Variants in CEACAM18 observed in about 807,000 individuals in gnomAD.
CEACAM18 encodes the protein CEA cell adhesion molecule 18.
In CEACAM18, 33 loss-of-function variants were observed where a neutral mutation model predicts 34.3. The observed-to-expected ratio is 0.96, with a 90% CI of 0.73 to 1.29. CEACAM18 has a LOEUF of 1.29. CEACAM18 is among the 50% of genes most tolerant of loss of function. The pLI is 0.00. For synonymous variants in CEACAM18, 169 were observed against 180.9 expected (o/e 0.93, Z 0.53); for missense variants, 474 against 485.0 (o/e 0.98, Z 0.21).
At chr19:51,488,810 T>C (rs62116163) in intron 5 of CEACAM18, among the ~76,000 whole-genome samples, 11,473 of 152,214 alleles carry the variant, frequency 0.075, 514 homozygotes, top group African/African-American at 0.12. Flanking sequence ...CAGGGCCATT[T>C]CTGTTTTACG....
intron 5 of CEACAM18, among the ~76,000 whole-genome samples, chr19:51,485,401 G>A (rs74903545): frequency 0.021 from 3,146 of 152,306 alleles, 104 homozygotes; most frequent in African/African-American, 0.072. Context: ...GGTTTACCTA[G>A]AGGGACAGGT....
intron 5 of CEACAM18, among the ~76,000 whole-genome samples, chr19:51,487,577 C>T (rs1271199411): frequency 6.6e-6 from 1 of 152,122 alleles, no homozygotes; most frequent in Non-Finnish European, 1.5e-5. Context: ...CCAGCCTGGC[C>T]AACATAGTGA....
intron 5 of CEACAM18, among the ~76,000 whole-genome samples, chr19:51,489,724 A>G (rs886084040): frequency 3.3e-5 from 5 of 152,200 alleles, no homozygotes; most frequent in African/African-American, 9.7e-5. Context: ...CACTGGTCCA[A>G]ACCTCACAGG....
downstream of CEACAM18, chr19:51,491,211 A>ATTT (rs55774114): frequency 0.11 from 16,160 of 149,074 alleles, 1,082 homozygotes; most frequent in Middle Eastern, 0.21. Context: ...CAAATATTTA[A>ATTT]TTTTTTTTTT....
At chr19:51,480,879 G>A (rs1989902966) in intron 2 of CEACAM18, among the ~76,000 whole-genome samples, 199 bp downstream of exon 2, 1 of 152,178 alleles carries the variant, frequency 6.6e-6, no homozygotes, top group African/African-American at 2.4e-5. Flanking sequence ...AAGCAGTCCT[G>A]TATTTGACAG....
intron 2 of CEACAM18, 70 bp downstream of exon 2, chr19:51,480,750 A>G (rs1989901110): frequency 7.2e-7 from 1 of 1,387,634 alleles, no homozygotes; most frequent in Non-Finnish European, 1.0e-6. Flanking sequence ...AGAGAAGGAC[A>G]TTATACAGAG....
intron 4 of CEACAM18, among the ~76,000 whole-genome samples, chr19:51,484,426 C>T (rs1327410573): frequency 5.3e-5 from 8 of 152,070 alleles, no homozygotes; most frequent in Admixed American, 4.6e-4. Flanking sequence ...GATTCTCCTG[C>T]CTCAGCCTCT....
chr19:51,486,847 AGCC>A (rs1202648669), intron 5 of CEACAM18, among the ~76,000 whole-genome samples: 12 of 149,548 alleles, frequency 8.0e-5, no homozygotes, highest in African/African-American at 3.0e-4. Flanking sequence ...CCTCCCAAGT[AGCC>A]AGGACTACAG....
At chr19:51,482,961 G>A in intron 3 of CEACAM18, 56 bp from the exon 4 acceptor site, 2 of 1,584,178 alleles carry the variant, frequency 1.3e-6, no homozygotes, top group Non-Finnish European at 8.6e-7. Flanking sequence ...GACTTCATGA[G>A]ACGGGACGCC....
exon 1 of CEACAM18, chr19:51,478,693 G>A (rs773883206): frequency 1.4e-6 from 2 of 1,452,120 alleles, no homozygotes; most frequent in Non-Finnish European, 1.8e-6. Context: ...TCTTCCTCAT[G>A]GGTAAGAGAT....
At chr19:51,480,083 G>T (rs1322181810) in intron 1 of CEACAM18, among the ~76,000 whole-genome samples, 3 of 152,160 alleles carry the variant, frequency 2.0e-5, no homozygotes, top group Non-Finnish European at 2.9e-5. Flanking sequence ...GTGATGTGAG[G>T]ATGGATTGGA....
chr19:51,485,639 G>A (rs548348583), intron 5 of CEACAM18, among the ~76,000 whole-genome samples: 19 of 152,302 alleles, frequency 1.2e-4, no homozygotes, highest in East Asian at 3.9e-4. Flanking sequence ...AAGAATGAAC[G>A]GAGCAACAAC....
At chr19:51,487,927 A>G (rs12327796) in intron 5 of CEACAM18, among the ~76,000 whole-genome samples, 11,483 of 152,320 alleles carry the variant, frequency 0.075, 512 homozygotes, top group African/African-American at 0.12. Flanking sequence ...ACACCAGCTC[A>G]TGGCTATGAG....
intron 5 of CEACAM18, among the ~76,000 whole-genome samples, chr19:51,490,004 G>C (rs1043427293): frequency 1.3e-5 from 2 of 152,092 alleles, no homozygotes; most frequent in African/African-American, 4.8e-5. Context: ...CCTTTCAAAG[G>C]CGCCATGTTC....
intron 1 of CEACAM18, among the ~76,000 whole-genome samples, chr19:51,479,754 G>A (rs1989875849): frequency 6.6e-6 from 1 of 152,214 alleles, no homozygotes; most frequent in Non-Finnish European, 1.5e-5. Context: ...GGAACAGCGT[G>A]TGCGAAGCCT....
At chr19:51,481,455 G>C in exon 3 of CEACAM18, 1 of 1,614,018 alleles carries the variant, frequency 6.2e-7, no homozygotes, top group Non-Finnish European at 8.5e-7. Context: ...CATGGATTCT[G>C]TGGCTGCTGA....
At chr19:51,486,938 G>T (rs1036921410) in intron 5 of CEACAM18, among the ~76,000 whole-genome samples, 3 of 151,008 alleles carry the variant, frequency 2.0e-5, no homozygotes, top group African/African-American at 7.3e-5. Flanking sequence ...TAGCCAGGAT[G>T]GTCTTGATCT....
intron 1 of CEACAM18, among the ~76,000 whole-genome samples, chr19:51,479,121 CT>C (rs1259418121): frequency 1.3e-5 from 2 of 152,090 alleles, no homozygotes; most frequent in Non-Finnish European, 2.9e-5. Context: ...GGCCAGATTC[CT>C]TCCCAGCCCC....
chr19:51,488,305 G>A (rs1990037326), intron 5 of CEACAM18, among the ~76,000 whole-genome samples: 1 of 152,304 alleles, frequency 6.6e-6, no homozygotes, highest in Admixed American at 6.5e-5. Flanking sequence ...ATTTTATGAT[G>A]TGCTTACTGT....
Sources: gnomAD v4.1 joint callset for allele counts (sites outside exome capture counted in the v4.1 genomes callset) on GRCh38, gnomAD v4.1.1 for gene constraint, MANE v1.5 for transcripts, NCBI Gene and HGNC (gene_info 2026-07-23, HGNC 2026-07-21) for gene names.